The following ASPRV1 variants were observed in gnomAD, a reference collection of about 807,000 sequenced individuals.
The protein encoded by ASPRV1 is aspartic peptidase retroviral like 1.
A neutral mutation model predicts 11.0 loss-of-function variants in ASPRV1; 7 were observed. The ratio of observed to expected loss-of-function variants is 0.64; its 90% CI spans 0.36 to 1.20. The LOEUF (loss-of-function observed/expected upper bound fraction) is 1.20. Ranked by LOEUF, ASPRV1 falls within the 50% of genes most tolerant of loss-of-function variation. ASPRV1 has a pLI of 0.02. For synonymous variants in ASPRV1, 136 were observed against 138.4 expected (o/e 0.98, Z 0.12); for missense variants, 299 against 320.0 (o/e 0.93, Z 0.50).
the ASPRV1 span, among the ~76,000 whole-genome samples, chr2:69,946,522 A>G: frequency 4.3e-4 from 66 of 152,356 alleles, 1 homozygote; most frequent in South Asian, 6.6e-3. Flanking sequence ...CCCATGCCTG[A>G]CATGCAGAAA....
the ASPRV1 span, chr2:70,077,483 C>T: frequency 6.6e-6 from 1 of 152,070 alleles, no homozygotes; most frequent in Non-Finnish European, 1.5e-5. Context: ...TTATTACCTT[C>T]ATTAGGAAAA....
At chr2:70,034,549 C>T in the ASPRV1 span, among the ~76,000 whole-genome samples, 3 of 147,050 alleles carry the variant, frequency 2.0e-5, no homozygotes, top group South Asian at 2.1e-4. Flanking sequence ...TGAGCCTGGG[C>T]GACAGAGCGA....
At chr2:69,997,282 A>G in the ASPRV1 span, among the ~76,000 whole-genome samples, 1 of 151,938 alleles carries the variant, frequency 6.6e-6, no homozygotes, top group Admixed American at 6.5e-5. Flanking sequence ...TCAATGACCA[A>G]GCCCATGGCT....
At chr2:70,051,644 A>G in the ASPRV1 span, among the ~76,000 whole-genome samples, 1 of 152,226 alleles carries the variant, frequency 6.6e-6, no homozygotes, top group Admixed American at 6.5e-5. Context: ...GTGATGTACC[A>G]GGAACTGTTC....
At chr2:70,030,645 A>C in the ASPRV1 span, 1 of 152,210 alleles carries the variant, frequency 6.6e-6, no homozygotes, top group East Asian at 1.9e-4. Flanking sequence ...TGATCCAATG[A>C]AAGTTTAAGA....
chr2:70,000,894 G>GTT, the ASPRV1 span, among the ~76,000 whole-genome samples: 2 of 151,418 alleles, frequency 1.3e-5, no homozygotes, highest in African/African-American at 4.8e-5. Flanking sequence ...CGGCTGGCCT[G>GTT]TAAAAGAGTC....
chr2:69,949,470 G>C, the ASPRV1 span, among the ~76,000 whole-genome samples: 1 of 152,106 alleles, frequency 6.6e-6, no homozygotes. Flanking sequence ...AGTACAGTGA[G>C]GGCCACAGAA....
the ASPRV1 span, among the ~76,000 whole-genome samples, chr2:70,014,796 C>CAAAAAAAAAAAAAAA: frequency 1.1e-3 from 80 of 73,856 alleles, no homozygotes; most frequent in East Asian, 1.5e-3. Context: ...GACCTTGTCT[C>CAAAAAAAAAAAAAAA]AAAAAAAAAA....
chr2:69,949,027 C>T, the ASPRV1 span, among the ~76,000 whole-genome samples: 11 of 152,156 alleles, frequency 7.2e-5, no homozygotes, highest in Non-Finnish European at 1.3e-4. Context: ...TGAGGACCCC[C>T]GACTCCACCT....
At chr2:70,059,061 G>C in the ASPRV1 span, among the ~76,000 whole-genome samples, 22 of 149,112 alleles carry the variant, frequency 1.5e-4, no homozygotes, top group East Asian at 4.4e-3. Flanking sequence ...CTAATTTTTT[G>C]TATTTTTTTT....
the ASPRV1 span, among the ~76,000 whole-genome samples, chr2:69,944,582 C>T: frequency 1.1e-4 from 16 of 152,338 alleles, no homozygotes; most frequent in Admixed American, 9.8e-4. Context: ...CCCCACACTC[C>T]CTTGCCCCAA....
chr2:70,046,188 G>C, the ASPRV1 span: 1 of 152,264 alleles, frequency 6.6e-6, no homozygotes, highest in East Asian at 1.9e-4. Context: ...AGGAAGATGT[G>C]GTGTTTTGTT....
At chr2:70,086,309 G>T in the ASPRV1 span, 1 of 152,362 alleles carries the variant, frequency 6.6e-6, no homozygotes, top group East Asian at 1.9e-4. Context: ...GTAAGGAACA[G>T]GGGAGGCGGA....
chr2:70,036,834 A>G, the ASPRV1 span, among the ~76,000 whole-genome samples: 1 of 152,098 alleles, frequency 6.6e-6, no homozygotes, highest in African/African-American at 2.4e-5. Flanking sequence ...CGCCTGGCCT[A>G]AAGTAATTTT....
chr2:69,948,958 C>G, the ASPRV1 span, among the ~76,000 whole-genome samples: 1 of 152,058 alleles, frequency 6.6e-6, no homozygotes, highest in Non-Finnish European at 1.5e-5. Flanking sequence ...CCGCTCCCCC[C>G]GGCACCTCGC....
chr2:70,046,986 A>T, the ASPRV1 span, among the ~76,000 whole-genome samples: 1 of 152,142 alleles, frequency 6.6e-6, no homozygotes, highest in Non-Finnish European at 1.5e-5. Flanking sequence ...GGGACATAAT[A>T]ATTTTTCTAT....
chr2:69,945,411 C>T, the ASPRV1 span, among the ~76,000 whole-genome samples: 1 of 152,244 alleles, frequency 6.6e-6, no homozygotes, highest in African/African-American at 2.4e-5. Flanking sequence ...CAGGGCTCAG[C>T]CCAAACTGGG....
chr2:70,052,487 CTGAG>C, the ASPRV1 span, among the ~76,000 whole-genome samples: 70 of 152,230 alleles, frequency 4.6e-4, no homozygotes, highest in African/African-American at 1.6e-3. Flanking sequence ...ATTAATAATA[CTGAG>C]TAAGGGTCCA....
At chr2:70,061,420 C>A in the ASPRV1 span, among the ~76,000 whole-genome samples, 943 of 147,374 alleles carry the variant, frequency 6.4e-3, 9 homozygotes, top group African/African-American at 0.022. Flanking sequence ...CAAAAAAAAA[C>A]CTAGGGATAG....
Sources: gnomAD v4.1 joint callset for allele counts (sites outside exome capture counted in the v4.1 genomes callset) on GRCh38, gnomAD v4.1.1 for gene constraint, MANE v1.5 for transcripts, NCBI Gene and HGNC (gene_info 2026-07-23, HGNC 2026-07-21) for gene names.